CSMD2: variants seen among roughly 807,000 people sequenced by gnomAD.
CSMD2 encodes CUB and sushi domain-containing protein 2.
In CSMD2, 130 loss-of-function variants were observed where a neutral mutation model predicts 398.5. The observed-to-expected ratio is 0.33, with a 90% confidence interval of 0.28 to 0.38. The LOEUF is 0.38. Ranked by LOEUF, CSMD2 falls within the 10% of genes least tolerant of loss-of-function variation. The pLI, the probability that CSMD2 is intolerant of heterozygous loss-of-function variation, is 1.00. For missense variants in CSMD2, 3,829 were observed against 4,764.9 expected (o/e 0.80, Z 5.78); for synonymous variants, 1,828 against 1,908.5 (o/e 0.96, Z 1.10).
At chr1:33,561,962 A>G (rs1422416945) in intron 53 of CSMD2, among the ~76,000 whole-genome samples, 1 of 152,150 alleles carries the variant, frequency 6.6e-6, no homozygotes, top group Non-Finnish European at 1.5e-5. Flanking sequence ...AGAGAGAAGA[A>G]TGTTGAGGAT....
At chr1:34,017,562 G>A (rs1415873187) in intron 3 of CSMD2, among the ~76,000 whole-genome samples, 2 of 152,132 alleles carry the variant, frequency 1.3e-5, no homozygotes, top group Non-Finnish European at 2.9e-5. Context: ...TTTGAGACCA[G>A]CCTGAGCAAC....
chr1:33,948,494 TATAAAAACAGGCAA>T lies in CSMD2; in HGVS notation c.518-12554_518-12541del, dbSNP rs367919745. Among the ~76,000 whole-genome samples the T allele has an allele frequency of 3.0e-4, 46 of 152,284 alleles. 1 individual carries two copies. Among genetic ancestry groups the T allele is most frequent in the African/African-American group, 9.1e-4 (38 of 41,548 alleles). On this transcript the variant is annotated intron_variant, in intron 3 of 70. Coordinates refer to ENST00000373381, the MANE Select transcript of CSMD2 (RefSeq NM_001281956.2). ...ATTCTCATACACATAAACATGCATA[TATAAAAACAGGCAA>T]ATTCAGGATGCGTCTGAACACAGCT...
chr1:34,087,459 C>T (rs896018899), intron 2 of CSMD2, among the ~76,000 whole-genome samples: 10 of 148,584 alleles, frequency 6.7e-5, no homozygotes, highest in African/African-American at 1.5e-4. Context: ...CATCACACAC[C>T]GGGGCCTGTC....
chr1:33,864,727 G>A, intron 5 of CSMD2: 1 of 1,611,594 alleles, frequency 6.2e-7, no homozygotes, highest in Non-Finnish European at 8.5e-7. Flanking sequence ...AACCGGTGCA[G>A]AGGGAAAAGA....
rs919924869 is a variant in CSMD2, at chr1:33,674,691, G to T, written c.4053-11599C>A. Among the ~76,000 whole-genome samples the T allele has an allele frequency of 3.3e-3, 501 of 152,150 alleles. 1 individual carries two copies. Among genetic ancestry groups the T allele is most frequent in the African/African-American group, 0.011 (471 of 41,486 alleles). On this transcript the variant is annotated intron_variant, in intron 25 of 70. Coordinates refer to ENST00000373381, the MANE Select transcript of CSMD2 (RefSeq NM_001281956.2). ...CACCACACCACACCTATTCCAAAAT[G>T]GATCACATAGTTGGAAGTAAAGAAC...
chr1:33,871,298 T>G (rs190527682), intron 5 of CSMD2, among the ~76,000 whole-genome samples: 2 of 152,242 alleles, frequency 1.3e-5, no homozygotes, highest in Admixed American at 1.3e-4. Context: ...GAGAAGCTTG[T>G]TAGAGAAATC....
At chr1:33,732,267 T>C (rs2149224553) in intron 15 of CSMD2, among the ~76,000 whole-genome samples, 1 of 152,288 alleles carries the variant, frequency 6.6e-6, no homozygotes, top group East Asian at 1.9e-4. Flanking sequence ...CAATATTTGT[T>C]GAAGGAATGA....
chr1:34,079,062 T>G (rs1656754758), intron 2 of CSMD2, among the ~76,000 whole-genome samples: 4 of 152,176 alleles, frequency 2.6e-5, no homozygotes, highest in Admixed American at 2.0e-4. Flanking sequence ...TCCACCCCAG[T>G]GCATTTTCCA....
intron 2 of CSMD2, among the ~76,000 whole-genome samples, chr1:34,050,274 G>A (rs1252029055): frequency 6.6e-6 from 1 of 152,228 alleles, no homozygotes; most frequent in East Asian, 1.9e-4. Flanking sequence ...AGAAGGAGAA[G>A]TGTTTTGTTC....
chr1:33,809,908 T>C (rs1656662957), intron 10 of CSMD2, among the ~76,000 whole-genome samples: 1 of 152,026 alleles, frequency 6.6e-6, no homozygotes, highest in Non-Finnish European at 1.5e-5. Flanking sequence ...TGATTTATAA[T>C]AGCAACGATA....
intron 13 of CSMD2, among the ~76,000 whole-genome samples, chr1:33,765,776 C>G (rs1291969127): frequency 6.6e-6 from 1 of 151,830 alleles, no homozygotes; most frequent in Admixed American, 6.6e-5. Flanking sequence ...TATCAAATAC[C>G]ACAAAGAATT....
Position 33,819,521 on chromosome 1 carries a change from T to C in CSMD2, c.1324+192A>G, listed in dbSNP as rs1325368770. On this transcript the variant is annotated intron_variant, in intron 9 of 70. Coordinates refer to ENST00000373381, the MANE Select transcript of CSMD2 (RefSeq NM_001281956.2). Reference sequence around the variant, plus strand: ...TTATCTTCCCCATCTCTGTATCTCCTGATCCTAGCGCAGGCCTTGATACTG... The same window carrying C: ...TTATCTTCCCCATCTCTGTATCTCCCGATCCTAGCGCAGGCCTTGATACTG... 2.6e-5 allele frequency among the ~76,000 whole-genome samples: 4 copies of C among 152,320 alleles called. No homozygotes were observed. In the East Asian group the frequency reaches 7.7e-4, roughly 29 times the overall value.
chr1:33,845,011 A>G (rs1441552595), intron 6 of CSMD2, among the ~76,000 whole-genome samples: 1 of 152,240 alleles, frequency 6.6e-6, no homozygotes, highest in East Asian at 1.9e-4. Context: ...TTTTCAGACT[A>G]CATTGTACAC....
chr1:33,636,338 G>T lies in CSMD2; in HGVS notation c.4969+22C>A, dbSNP rs1331896869. 3 of 1,567,090 alleles carry T rather than the reference G, an allele frequency of 1.9e-6. No individual in the cohort carries two copies. Among genetic ancestry groups the T allele is most frequent in the South Asian group, 2.3e-5 (2 of 85,844 alleles). ...CATGCCCTCAGTTCCTCAGACCCCT[G>T]CCATCCCCAGGCTTCCACCACCTGT... On this transcript the variant is annotated intron_variant, in intron 30 of 70. Transcript: ENST00000373381. The surrounding 1 kb of genome is among the most constrained non-coding windows in gnomAD (Gnocchi z 4.8).
intron 1 of CSMD2, among the ~76,000 whole-genome samples, chr1:34,133,306 A>C (rs1055272661): frequency 1.3e-5 from 2 of 152,206 alleles, no homozygotes; most frequent in African/African-American, 4.8e-5. Flanking sequence ...TAGAAAAGCA[A>C]GCCTTGCAAA....
chr1:33,604,134 G>A (rs1640419609), intron 42 of CSMD2, among the ~76,000 whole-genome samples: 1 of 152,220 alleles, frequency 6.6e-6, no homozygotes, highest in Non-Finnish European at 1.5e-5. Context: ...GCTCAAGCTA[G>A]CAGACTGAGA....
In CSMD2 at chr1:33,918,265, C is replaced by T. The variant is rs766607054; in HGVS notation, c.749G>A (p.Ser250Asn). Residue 250 changes from serine to asparagine, a missense_variant, in exon 5 of 71, where the codon AGT becomes AAT. Coordinates refer to ENST00000373381, the MANE Select transcript of CSMD2 (RefSeq NM_001281956.2). ...DACGGTLRGQSGIISSPHFPS... is the reference protein window; with the variant it reads ...DACGGTLRGQNGIISSPHFPS... ...GAAGTGGGGGCTGGAGATGATGCCACTCTGGCCCCGCAGGGTCCCACCACA... is the reference window on the plus strand; with the variant it reads ...GAAGTGGGGGCTGGAGATGATGCCATTCTGGCCCCGCAGGGTCCCACCACA... The T allele has an allele frequency of 6.2e-7, 1 of 1,614,098 alleles. No individual in the cohort carries two copies. The highest frequency in any genetic ancestry group is 8.5e-7 in the Non-Finnish European group (1 of 1,180,032).
chr1:33,747,271 C>T (rs552647847), intron 13 of CSMD2, among the ~76,000 whole-genome samples: 13 of 152,160 alleles, frequency 8.5e-5, no homozygotes, highest in Admixed American at 7.2e-4. Context: ...GAAATGCAAG[C>T]GTAACAAATA....
chr1:33,609,171 C>CA (rs988262301), intron 41 of CSMD2, among the ~76,000 whole-genome samples: 3 of 152,152 alleles, frequency 2.0e-5, no homozygotes, highest in Admixed American at 6.5e-5. Context: ...TCCTGAGGCT[C>CA]CCTCTAGATG....
Sources: allele counts gnomAD v4.1 joint callset (sites outside exome capture counted in the v4.1 genomes callset), GRCh38; gene constraint gnomAD v4.1.1; non-coding constraint Gnocchi (gnomAD v3.1); transcripts MANE v1.5; gene names NCBI Gene and HGNC (gene_info 2026-07-23, HGNC 2026-07-21).